PDE3A: variants seen among roughly 807,000 people sequenced by gnomAD.
PDE3A encodes phosphodiesterase 3A.
PDE3A carries 43 observed loss-of-function variants against 98.3 expected under a neutral mutation model. The ratio of observed to expected loss-of-function variants is 0.44; its 90% CI spans 0.34 to 0.56. PDE3A has a LOEUF of 0.56. Ranked by LOEUF, PDE3A falls within the 20% of genes least tolerant of loss-of-function variation. The pLI, the probability that PDE3A is intolerant of heterozygous loss-of-function variation, is 0.01. For missense variants in PDE3A, 1,427 were observed against 1,440.7 expected (o/e 0.99, Z 0.15); for synonymous variants, 663 against 567.9 (o/e 1.17, Z -2.38).
At chr12:20,670,606 C>T (rs931839576) in intron 15 of PDE3A, among the ~76,000 whole-genome samples, 1 of 151,592 alleles carries the variant, frequency 6.6e-6, no homozygotes, top group Non-Finnish European at 1.5e-5. Flanking sequence ...CTACTGGGTA[C>T]ATAACGAAAT....
chr12:20,613,472 C>G lies in PDE3A; in HGVS notation c.1041C>G (p.Ile347Met). 6.2e-7 allele frequency: 1 copy of G among 1,614,020 alleles called. No individual in the cohort carries two copies. Among genetic ancestry groups the G allele is most frequent in the Non-Finnish European group, 8.5e-7 (1 of 1,179,896 alleles). Residue 347 changes from isoleucine to methionine, a missense_variant, in exon 3 of 16, where the codon ATC (isoleucine) becomes ATG (methionine). Physicochemically the swap from Ile to Met is conservative, Grantham distance 10 (BLOSUM62 1). Around this residue, in one of 3 missense-constraint regions of PDE3A, gnomAD observed 1,012 missense variants for 886.5 expected, o/e 1.14. Coordinates refer to ENST00000359062, the MANE Select transcript of PDE3A (RefSeq NM_000921.5). ...CAGGAACCAGTATTACTGTGGACAT[C>G]GCCGTCATGGGCGAGGCCCACGGCC... ...QSSGTSITVDIAVMGEAHGLI... is the reference protein window; with the variant it reads ...QSSGTSITVDMAVMGEAHGLI...
chr12:20,451,650 A>T (rs996054905), intron 1 of PDE3A, among the ~76,000 whole-genome samples: 1 of 152,214 alleles, frequency 6.6e-6, no homozygotes, highest in Non-Finnish European at 1.5e-5. Flanking sequence ...AGAAAGGACC[A>T]GTGACTTTTT....
intron 1 of PDE3A, among the ~76,000 whole-genome samples, chr12:20,390,778 C>A (rs551133259): frequency 2.0e-5 from 3 of 151,852 alleles, no homozygotes; most frequent in African/African-American, 2.4e-5. Flanking sequence ...GTTAGTTCAC[C>A]GTATTTTCCT....
chr12:20,610,799 A>G (rs1408902572), intron 2 of PDE3A, among the ~76,000 whole-genome samples: 4 of 151,972 alleles, frequency 2.6e-5, no homozygotes, highest in Non-Finnish European at 2.9e-5. Flanking sequence ...AAAATATTGC[A>G]TTATCTCACT....
At chr12:20,420,822 A>C (rs1944499991) in intron 1 of PDE3A, among the ~76,000 whole-genome samples, 2 of 152,188 alleles carry the variant, frequency 1.3e-5, no homozygotes. Flanking sequence ...TTGCTATCAG[A>C]TTACACATAA....
intron 2 of PDE3A, among the ~76,000 whole-genome samples, chr12:20,577,313 A>G (rs1401217781): frequency 6.6e-6 from 1 of 152,152 alleles, no homozygotes; most frequent in Non-Finnish European, 1.5e-5. Context: ...ATATGATGAA[A>G]TGGTGGGTTA....
intron 15 of PDE3A, among the ~76,000 whole-genome samples, chr12:20,677,092 C>T (rs996396330): frequency 3.9e-5 from 6 of 152,076 alleles, no homozygotes; most frequent in African/African-American, 1.4e-4. Context: ...TCTTCAAATT[C>T]TGATTCTTTC....
chr12:20,671,372 C>G (rs979112239), intron 15 of PDE3A, among the ~76,000 whole-genome samples: 1 of 152,014 alleles, frequency 6.6e-6, no homozygotes, highest in African/African-American at 2.4e-5. Flanking sequence ...ATCCTGATAC[C>G]GAAGCCAGGC....
Position 20,621,335 on chromosome 12 carries a change from C to A in PDE3A, c.1464C>A (p.Thr488=). 1 of 1,610,888 alleles carries A rather than the reference C, an allele frequency of 6.2e-7. No individual in the cohort carries two copies. Among genetic ancestry groups the A allele is most frequent in the Non-Finnish European group, 8.5e-7 (1 of 1,177,290 alleles). Residue 488 remains threonine (T), a synonymous_variant, in exon 5 of 16, where the codon ACC becomes ACA. Coordinates refer to ENST00000359062, the MANE Select transcript of PDE3A (RefSeq NM_000921.5). ...ATAATCCAGTGATGATGACCCTCAC[C>A]AAAAGCAGATCCTTTACTTCATCCT... ...SWNNPVMMTL[T]KSRSFTSSYA...
At chr12:20,643,097 G>A (rs1944682780) in intron 10 of PDE3A, among the ~76,000 whole-genome samples, 1 of 152,124 alleles carries the variant, frequency 6.6e-6, no homozygotes, top group Admixed American at 6.5e-5. Flanking sequence ...TGTACCATGT[G>A]CTAGTGTATG....
At chr12:20,524,386 AAG>A (rs1295939169) in intron 1 of PDE3A, among the ~76,000 whole-genome samples, 2 of 152,076 alleles carry the variant, frequency 1.3e-5, no homozygotes, top group Non-Finnish European at 1.5e-5. Context: ...TTTTTCTTAG[AAG>A]AGAGGGGGGA....
chr12:20,541,076 T>C (rs12822425), intron 1 of PDE3A, among the ~76,000 whole-genome samples: 235 of 9,860 alleles, frequency 0.024, 2 homozygotes, highest in African/African-American at 0.13. Flanking sequence ...GGTAACTTTC[T>C]TTTTTTTTTT....
chr12:20,374,255 A>G (rs1030065141), intron 1 of PDE3A, among the ~76,000 whole-genome samples: 1 of 152,168 alleles, frequency 6.6e-6, no homozygotes, highest in African/African-American at 2.4e-5. Context: ...GTGAATACAG[A>G]TATTTAAAGC....
At position 20,437,931 on chromosome 12, in the gene PDE3A, C is replaced by A. The variant is rs149419269; in HGVS notation, c.960+67687C>A. ...GTTTATATTAAATAAAGCTATTTTCCCCCAATTTTAGCTAAACCTCTTTTT... is the reference window on the plus strand; with the variant it reads ...GTTTATATTAAATAAAGCTATTTTCACCCAATTTTAGCTAAACCTCTTTTT... On this transcript the variant is annotated intron_variant, in intron 1 of 15. Coordinates refer to ENST00000359062, the MANE Select transcript of PDE3A (RefSeq NM_000921.5). Among the ~76,000 whole-genome samples the A allele has an allele frequency of 5.3e-3, 797 of 151,754 alleles. 8 individuals are homozygous for A. Among genetic ancestry groups the A allele is most frequent in the African/African-American group, 0.018 (754 of 41,428 alleles).
At chr12:20,438,205 G>A (rs1443370016) in intron 1 of PDE3A, among the ~76,000 whole-genome samples, 1 of 152,000 alleles carries the variant, frequency 6.6e-6, no homozygotes, top group Non-Finnish European at 1.5e-5. Context: ...ATCTTTTAAG[G>A]AAGCTCCTAA....
intron 1 of PDE3A, among the ~76,000 whole-genome samples, chr12:20,377,630 A>C (rs1943595780): frequency 1.3e-5 from 2 of 151,864 alleles, no homozygotes; most frequent in South Asian, 4.1e-4. Flanking sequence ...CAGTCTTTAA[A>C]ATTATATGTG....
chr12:20,421,359 A>G (rs1944508459), intron 1 of PDE3A, among the ~76,000 whole-genome samples: 1 of 152,228 alleles, frequency 6.6e-6, no homozygotes, highest in Non-Finnish European at 1.5e-5. Flanking sequence ...AATCAAATAA[A>G]TTAATGTTTT....
intron 1 of PDE3A, among the ~76,000 whole-genome samples, chr12:20,446,244 A>C (rs1944951599): frequency 6.6e-6 from 1 of 152,150 alleles, no homozygotes; most frequent in Non-Finnish European, 1.5e-5. Context: ...TCGTGAGAAA[A>C]TGTCATCTGT....
chr12:20,637,325 G>A (rs1944539050), intron 9 of PDE3A, 88 bp downstream of exon 9: 1 of 934,508 alleles, frequency 1.1e-6, no homozygotes, highest in South Asian at 1.9e-5. Flanking sequence ...TGACACTTGT[G>A]GATAGGTGTT....
Sources: gnomAD v4.1 joint callset for allele counts (sites outside exome capture counted in the v4.1 genomes callset) on GRCh38, gnomAD v4.1.1 for gene constraint, gnomAD v4.1.1 regional missense constraint, MANE v1.5 for transcripts, NCBI Gene and HGNC (gene_info 2026-07-23, HGNC 2026-07-21) for gene names.